Variants in ITGA1 observed in about 807,000 individuals in gnomAD.
ITGA1 encodes the protein integrin subunit alpha 1, also known as integrin alpha-1.
In ITGA1, 85 loss-of-function variants were observed where a neutral mutation model predicts 145.9. The ratio of observed to expected loss-of-function variants is 0.58; its 90% confidence interval spans 0.49 to 0.70. ITGA1 has a LOEUF of 0.70. Among genes scored for constraint, ITGA1 ranks in the 30% least tolerant of loss-of-function variants. ITGA1 has a pLI of 0.00. For synonymous variants in ITGA1, 520 were observed against 495.3 expected (o/e 1.05, Z -0.66); for missense variants, 1,351 against 1,418.7 (o/e 0.95, Z 0.77).
chr5:52,952,344 G>A (rs955127476), intron 28 of ITGA1, 63 bp from the exon 29 acceptor site: 39 of 835,270 alleles, frequency 4.7e-5, no homozygotes, highest in African/African-American at 7.2e-5. Flanking sequence ...CTATCCAAAG[G>A]ATTAATATTT....
At chr5:52,823,113 C>T (rs1748905936) in intron 1 of ITGA1, among the ~76,000 whole-genome samples, 1 of 152,208 alleles carries the variant, frequency 6.6e-6, no homozygotes, top group African/African-American at 2.4e-5. Context: ...ACTTTCCTGA[C>T]ATCCTTCTGA....
intron 2 of ITGA1, among the ~76,000 whole-genome samples, chr5:52,852,194 A>G (rs1224764955): frequency 2.0e-5 from 3 of 152,178 alleles, no homozygotes; most frequent in African/African-American, 7.2e-5. Context: ...TCATATTGGG[A>G]TGAAAAAAGA....
chr5:52,928,882 A>C (rs1485553518), intron 20 of ITGA1, among the ~76,000 whole-genome samples: 1 of 152,180 alleles, frequency 6.6e-6, no homozygotes, highest in Non-Finnish European at 1.5e-5. Context: ...ATGCTGTTTG[A>C]AACTGGCTTG....
intron 1 of ITGA1, among the ~76,000 whole-genome samples, chr5:52,807,795 T>A (rs1748618094): frequency 6.6e-6 from 1 of 152,196 alleles, no homozygotes; most frequent in Non-Finnish European, 1.5e-5. Context: ...ATTCATTTAT[T>A]GTTATTTCAC....
At position 52,932,128 on chromosome 5, in the gene ITGA1, G is replaced by T. The variant is rs775301781; in HGVS notation, c.2853G>T (p.Gln951His). Residue 951 changes from glutamine to histidine, a missense_variant, in exon 22 of 29, where the codon CAG (glutamine) becomes CAT (histidine). Coordinates refer to ENST00000282588, the MANE Select transcript of ITGA1 (RefSeq NM_181501.2). ...SIPVKYEVGLQFYSSASEYHI... is the reference protein window; with the variant it reads ...SIPVKYEVGLHFYSSASEYHI... ...CGGTAAAATATGAAGTTGGACTACAGTTTTACAGGTAGGAGAAAACTACAT... is the reference window on the plus strand; with the variant it reads ...CGGTAAAATATGAAGTTGGACTACATTTTTACAGGTAGGAGAAAACTACAT... The T allele has an allele frequency of 5.0e-6, 8 of 1,584,544 alleles. No individual in the cohort carries two copies. The South Asian group carries it at 8.9e-5, about 18-fold the overall frequency.
intron 12 of ITGA1, 96 bp downstream of exon 12, chr5:52,906,004 C>A (rs1750397533): frequency 2.9e-6 from 3 of 1,046,760 alleles, no homozygotes; most frequent in Non-Finnish European, 4.2e-6. Context: ...GCAATACCCA[C>A]ATATTCAGTA....
chr5:52,898,697 C>A (rs1750269509), intron 11 of ITGA1, among the ~76,000 whole-genome samples: 1 of 152,068 alleles, frequency 6.6e-6, no homozygotes, highest in Non-Finnish European at 1.5e-5. Context: ...GAACTTTGAA[C>A]CTGGTGGACA....
intron 20 of ITGA1, among the ~76,000 whole-genome samples, chr5:52,928,024 G>A (rs911810902): frequency 3.9e-5 from 6 of 152,122 alleles, no homozygotes; most frequent in African/African-American, 1.4e-4. Context: ...TGAGAACTGG[G>A]TGTTTCCAGA....
At chr5:52,905,586 G>C (rs1750388099) in intron 11 of ITGA1, 177 bp from the exon 12 acceptor site, 4 of 447,650 alleles carry the variant, frequency 8.9e-6, no homozygotes, top group Non-Finnish European at 1.6e-5. Flanking sequence ...GTGGTAGATA[G>C]AGAGCATATT....
At chr5:52,800,126 G>C in intron 1 of ITGA1, 1 of 429,974 alleles carries the variant, frequency 2.3e-6, no homozygotes, top group Non-Finnish European at 4.2e-6. Flanking sequence ...CGTGCTGCCA[G>C]CGGGAACTGT....
At chr5:52,841,402 A>G (rs549130740) in intron 1 of ITGA1, among the ~76,000 whole-genome samples, 2 of 152,250 alleles carry the variant, frequency 1.3e-5, no homozygotes, top group South Asian at 4.1e-4. Flanking sequence ...TTTGTTCCCC[A>G]TATCTTTACC....
At chr5:52,940,432 G>A (rs1440763837) in intron 26 of ITGA1, among the ~76,000 whole-genome samples, 4 of 147,462 alleles carry the variant, frequency 2.7e-5, no homozygotes, top group Admixed American at 6.8e-5. Context: ...TTTTTGAGAC[G>A]GAGTGTCTCT....
chr5:52,860,237 G>A (rs957222285), intron 2 of ITGA1, among the ~76,000 whole-genome samples: 4 of 151,858 alleles, frequency 2.6e-5, no homozygotes, highest in Non-Finnish European at 4.4e-5. Context: ...TTTATATCTT[G>A]ACTAAAGTCA....
rs368258489 is a variant in ITGA1 at position 52,915,519 on chromosome 5, A to G, written c.1913A>G (p.His638Arg). The part of the protein sequence containing the change: ...KTLKFFGQSI[H>R]GEMDLNGDGL... ...CTGAAATTTTTTGGCCAGTCTATCC[A>G]CGGAGAAATGGATTTAAATGGTGAC... Residue 638 changes from histidine (H) to arginine (R), a missense_variant, in exon 15 of 29, where the codon CAC (histidine) becomes CGC (arginine). Coordinates refer to ENST00000282588, the MANE Select transcript of ITGA1 (RefSeq NM_181501.2). 1 of 1,614,094 alleles carries G rather than the reference A, an allele frequency of 6.2e-7. No individual in the cohort carries two copies. Among genetic ancestry groups the G allele is most frequent in the Non-Finnish European group, 8.5e-7 (1 of 1,180,006 alleles).
intron 6 of ITGA1, among the ~76,000 whole-genome samples, chr5:52,877,706 C>T (rs4262060): frequency 0.41 from 62,862 of 152,058 alleles, 14,052 homozygotes; most frequent in African/African-American, 0.58. Flanking sequence ...GTCACGGAGC[C>T]GTAAGGCCAC....
At chr5:52,945,603 G>C (rs1387552102) in intron 27 of ITGA1, among the ~76,000 whole-genome samples, 2 of 152,004 alleles carry the variant, frequency 1.3e-5, no homozygotes, top group African/African-American at 2.4e-5. Context: ...AATAAGCCAA[G>C]GTGACGGAGT....
chr5:52,913,202 C>A (rs1202191288), intron 14 of ITGA1, among the ~76,000 whole-genome samples: 6 of 151,932 alleles, frequency 3.9e-5, no homozygotes, highest in African/African-American at 1.2e-4. Flanking sequence ...TTTAGTGTGT[C>A]CCGTTCTAAA....
intron 6 of ITGA1, among the ~76,000 whole-genome samples, chr5:52,870,366 C>T (rs894995433): frequency 6.6e-6 from 1 of 152,084 alleles, no homozygotes; most frequent in Non-Finnish European, 1.5e-5. Flanking sequence ...GAGGAGGGTG[C>T]AAAAGATAGA....
intron 14 of ITGA1, among the ~76,000 whole-genome samples, chr5:52,912,203 A>C (rs1579715642): frequency 6.9e-6 from 1 of 144,356 alleles, no homozygotes; most frequent in South Asian, 2.2e-4. Flanking sequence ...TAGTGTATCT[A>C]GTATATAGAT....
Sources: gnomAD v4.1 joint callset for allele counts (sites outside exome capture counted in the v4.1 genomes callset) on GRCh38, gnomAD v4.1.1 for gene constraint, MANE v1.5 for transcripts, NCBI Gene and HGNC (gene_info 2026-07-23, HGNC 2026-07-21) for gene names.